The following DCDC2 variants were observed in gnomAD, a reference collection of about 807,000 sequenced individuals.
DCDC2 encodes doublecortin domain containing 2.
In DCDC2, 40 loss-of-function variants were observed where a neutral mutation model predicts 50.2. That is an observed-to-expected ratio of 0.80 (90% confidence interval 0.62 to 1.04). DCDC2 has a LOEUF of 1.04. DCDC2 is among the 50% of genes least tolerant of loss of function. The pLI is 0.00. For synonymous variants in DCDC2, 234 were observed against 210.6 expected, an observed-to-expected ratio of 1.11 and a Z score of -0.96; for missense variants, 570 against 581.9, an observed-to-expected ratio of 0.98 and a Z score of 0.21.
chr6:24,321,355 A>T (rs1474947173), intron 2 of DCDC2, among the ~76,000 whole-genome samples: 1 of 152,210 alleles, frequency 6.6e-6, no homozygotes, highest in Non-Finnish European at 1.5e-5. Context: ...CAAGACGGTA[A>T]TTAATTACAA....
chr6:24,297,410 G>A (rs1759275757), intron 4 of DCDC2, among the ~76,000 whole-genome samples: 1 of 152,086 alleles, frequency 6.6e-6, no homozygotes, highest in African/African-American at 2.4e-5. Flanking sequence ...AAACTACCGT[G>A]ACACAAGTTT....
chr6:24,351,696 G>A (rs7751169), intron 2 of DCDC2, among the ~76,000 whole-genome samples: 64,887 of 152,068 alleles, frequency 0.43, 15,249 homozygotes, highest in African/African-American at 0.64. Flanking sequence ...GATCTTGTAC[G>A]TTGGCTCATG....
intron 6 of DCDC2, among the ~76,000 whole-genome samples, chr6:24,283,657 C>T (rs533564987): frequency 6.6e-6 from 1 of 152,194 alleles, no homozygotes; most frequent in African/African-American, 2.4e-5. Flanking sequence ...TTCACTCACA[C>T]CCCTCCTCGC....
chr6:24,322,398 T>G (rs577876409), intron 2 of DCDC2, among the ~76,000 whole-genome samples: 1 of 152,250 alleles, frequency 6.6e-6, no homozygotes, highest in East Asian at 1.9e-4. Flanking sequence ...CCCTAAAATA[T>G]ATTTCCTTGC....
chr6:24,340,709 T>A (rs1284487319), intron 2 of DCDC2, among the ~76,000 whole-genome samples: 1 of 152,158 alleles, frequency 6.6e-6, no homozygotes, highest in Non-Finnish European at 1.5e-5. Flanking sequence ...TGATATTAGA[T>A]GACTTATTTT....
At chr6:24,264,658 A>T (rs964958007) in intron 7 of DCDC2, among the ~76,000 whole-genome samples, 2 of 152,148 alleles carry the variant, frequency 1.3e-5, no homozygotes, top group African/African-American at 2.4e-5. Context: ...GCAATAAATT[A>T]AAACATACCA....
intron 1 of DCDC2, among the ~76,000 whole-genome samples, chr6:24,354,995 G>C (rs1213342591): frequency 6.6e-6 from 1 of 152,006 alleles, no homozygotes; most frequent in Non-Finnish European, 1.5e-5. Context: ...ATATCGTTTG[G>C]GCTTTCTTTT....
rs528128099 is a variant in DCDC2 at position 24,234,431 on chromosome 6, G to A, written c.923-29329C>T. Among the ~76,000 whole-genome samples, 6 of 152,254 alleles carry A rather than the reference G, an allele frequency of 3.9e-5. No individual in the cohort carries two copies. In the South Asian group the frequency reaches 1.2e-3, roughly 32 times the overall value. The stretch of plus-strand genomic sequence containing the variant: ...GGGTTTGCAGCATGTGAACCACACA[G>A]TCAGATTTTGTTTGGACAGATAACG... On this transcript the variant is annotated intron_variant, in intron 7 of 9. Transcript: ENST00000378454.
chr6:24,192,037 G>T (rs893057882), intron 8 of DCDC2, among the ~76,000 whole-genome samples: 4 of 152,174 alleles, frequency 2.6e-5, no homozygotes, highest in African/African-American at 9.6e-5. Context: ...AAAATAGGTA[G>T]ATTGGCTCAG....
chr6:24,239,182 A>T (rs1358216792), intron 7 of DCDC2, among the ~76,000 whole-genome samples: 1 of 152,200 alleles, frequency 6.6e-6, no homozygotes, highest in Non-Finnish European at 1.5e-5. Flanking sequence ...GTAACACATT[A>T]TCAGAGTATG....
intron 7 of DCDC2, among the ~76,000 whole-genome samples, chr6:24,275,665 G>T (rs1763336630): frequency 6.6e-6 from 1 of 151,936 alleles, no homozygotes; most frequent in Non-Finnish European, 1.5e-5. Flanking sequence ...GGAAAATATA[G>T]ACTTAAAATG....
intron 7 of DCDC2, among the ~76,000 whole-genome samples, chr6:24,241,316 C>T (rs899583902): frequency 6.6e-6 from 1 of 152,114 alleles, no homozygotes; most frequent in South Asian, 2.1e-4. Context: ...CTACATGGAG[C>T]CTCCAGGAGC....
intron 7 of DCDC2, among the ~76,000 whole-genome samples, chr6:24,271,248 G>GA (rs1057094228): frequency 2.2e-4 from 25 of 112,298 alleles, no homozygotes; most frequent in African/African-American, 1.3e-4. Context: ...GAGAAAGAAA[G>GA]AAAAAAAAGA....
At chr6:24,211,577 G>A (rs2113767033) in intron 7 of DCDC2, among the ~76,000 whole-genome samples, 2 of 152,302 alleles carry the variant, frequency 1.3e-5, no homozygotes, top group African/African-American at 4.8e-5. Flanking sequence ...ATAATCACAA[G>A]GGTCCTTGTG....
chr6:24,340,542 T>G (rs1019771772), intron 2 of DCDC2, among the ~76,000 whole-genome samples: 4 of 152,192 alleles, frequency 2.6e-5, no homozygotes, highest in Admixed American at 2.6e-4. Context: ...CACTTCTTTT[T>G]TTAATCCAGC....
rs377605080 is a variant in DCDC2 at position 24,251,948 on chromosome 6, C to A, written c.922+26101G>T. 3.0e-4 allele frequency among the ~76,000 whole-genome samples: 46 copies of A among 152,322 alleles called. 1 individual carries two copies. The highest frequency in any genetic ancestry group is 1.1e-3 in the African/African-American group (45 of 41,568). On this transcript the variant is annotated intron_variant, in intron 7 of 9. Coordinates refer to ENST00000378454, the MANE Select transcript of DCDC2 (RefSeq NM_016356.5). ...CATCTCCAATGCCTTGCCTCTGTAG[C>A]TGCAGAATGCTGTCTAAATGTAATA...
chr6:24,242,964 A>G (rs1472817619), intron 7 of DCDC2, among the ~76,000 whole-genome samples: 2 of 151,466 alleles, frequency 1.3e-5, no homozygotes, highest in East Asian at 1.9e-4. Context: ...CTCATCTCAA[A>G]AAAAAAAAGA....
chr6:24,379,887 G>T, the DCDC2 span, among the ~76,000 whole-genome samples: 2 of 152,108 alleles, frequency 1.3e-5, no homozygotes, highest in Admixed American at 1.3e-4. Context: ...CATGTCCTTT[G>T]CAGAGACATG....
chr6:24,234,889 T>C (rs947295253), intron 7 of DCDC2, among the ~76,000 whole-genome samples: 3 of 152,152 alleles, frequency 2.0e-5, no homozygotes, highest in African/African-American at 7.2e-5. Context: ...ACCACATAGA[T>C]AGCACACTTG....
Sources: gnomAD v4.1 joint callset for allele counts (sites outside exome capture counted in the v4.1 genomes callset) on GRCh38, gnomAD v4.1.1 for gene constraint, MANE v1.5 for transcripts, NCBI Gene and HGNC (gene_info 2026-07-23, HGNC 2026-07-21) for gene names.